Variants in TTI1 observed in about 807,000 individuals in gnomAD.
TTI1 encodes TELO2-interacting protein 1 homolog.
Under a neutral mutation model 85.4 loss-of-function variants are expected in TTI1, and 52 were observed. The observed-to-expected ratio is 0.61, with a 90% CI of 0.49 to 0.77. The LOEUF (loss-of-function observed/expected upper bound fraction) is 0.77. Ranked by LOEUF, TTI1 falls within the 30% of genes least tolerant of loss-of-function variation. The pLI is 0.00. For synonymous variants in TTI1, 512 were observed against 503.9 expected, an observed-to-expected ratio of 1.02 and a Z score of -0.22; for missense variants, 1,173 against 1,296.0, an observed-to-expected ratio of 0.91 and a Z score of 1.46.
chr20:38,006,777 T>C lies in TTI1; in HGVS notation c.2303-380A>G, dbSNP rs534407093. ...CTTATATAGCACTCTGCTCTTTCTCTTCATATCAGCTCATCACAATATGTG... is the reference window on the plus strand; with the variant it reads ...CTTATATAGCACTCTGCTCTTTCTCCTCATATCAGCTCATCACAATATGTG... On this transcript the variant is annotated intron_variant, in intron 2 of 7. Transcript: ENST00000373447. Among the ~76,000 whole-genome samples the C allele has an allele frequency of 2.6e-5, 4 of 152,366 alleles. No homozygotes were observed. In the South Asian group the frequency reaches 8.3e-4, roughly 32 times the overall value.
intron 1 of TTI1, among the ~76,000 whole-genome samples, chr20:38,016,485 G>A (rs368528900): frequency 1.3e-5 from 2 of 152,140 alleles, no homozygotes; most frequent in Middle Eastern, 3.2e-3. Context: ...AACAAAAACC[G>A]TAATAGAGCT....
chr20:37,983,920 T>C (rs1011372090), intron 7 of TTI1, among the ~76,000 whole-genome samples: 2 of 152,182 alleles, frequency 1.3e-5, no homozygotes, highest in Non-Finnish European at 1.5e-5. Context: ...AACAAGCTCT[T>C]GGCAAAGAAA....
intron 3 of TTI1, 153 bp downstream of exon 3, chr20:38,006,044 A>G (rs909614453): frequency 1.8e-5 from 16 of 888,226 alleles, no homozygotes; most frequent in Non-Finnish European, 2.4e-5. Flanking sequence ...AGAATGGAAA[A>G]AGATTACACA....
intron 2 of TTI1, among the ~76,000 whole-genome samples, chr20:38,007,811 G>A (rs1174707687): frequency 6.6e-6 from 1 of 152,222 alleles, no homozygotes; most frequent in Non-Finnish European, 1.5e-5. Flanking sequence ...GGTGTGAGCC[G>A]GAGGTTCCTA....
intron 4 of TTI1, among the ~76,000 whole-genome samples, chr20:37,999,543 G>GA (rs1169549887): frequency 6.6e-6 from 1 of 152,212 alleles, no homozygotes; most frequent in Non-Finnish European, 1.5e-5. Flanking sequence ...GTCAGCTGGG[G>GA]AAAGACCTTA....
At chr20:38,022,063 GCAAGGCCTGTCA>G (rs2073778371) in intron 1 of TTI1, among the ~76,000 whole-genome samples, 1 of 152,232 alleles carries the variant, frequency 6.6e-6, no homozygotes, top group African/African-American at 2.4e-5. Flanking sequence ...TGCTCAAGGT[GCAAGGCCTGTCA>G]CAAGCAAAGG....
chr20:37,987,535 G>A (rs1158386822), intron 7 of TTI1: 4 of 367,228 alleles, frequency 1.1e-5, no homozygotes, highest in South Asian at 2.1e-5. Context: ...AGTGGCTCCA[G>A]AGAGCACAGT....
intron 7 of TTI1, 104 bp downstream of exon 7, chr20:37,996,271 G>T: frequency 8.5e-7 from 1 of 1,177,130 alleles, no homozygotes; most frequent in Non-Finnish European, 1.2e-6. Flanking sequence ...ACCTGGCAGG[G>T]TGACAGAGAA....
Position 37,992,734 on chromosome 20 carries a change from A to G in TTI1, c.3086+3641T>C, listed in dbSNP as rs562876683. Among the ~76,000 whole-genome samples, 4 of 152,286 alleles carry G rather than the reference A, an allele frequency of 2.6e-5. No homozygotes were observed. In the South Asian group the frequency reaches 8.3e-4, roughly 32 times the overall value. ...GGCCCAAGGAGTATGGTTTTAATGG[A>G]GTTCAACTAGGCTAAGTACATGTAT... is the stretch of plus-strand genomic sequence containing the variant. On this transcript the variant is annotated intron_variant, in intron 7 of 7. Transcript: ENST00000373447.
At chr20:38,002,918 G>A in intron 3 of TTI1, 142 bp from the exon 4 acceptor site, 2 of 1,159,988 alleles carry the variant, frequency 1.7e-6, no homozygotes, top group South Asian at 2.9e-5. Context: ...ACTCAAGGGG[G>A]AATAGGTACA....
At position 38,003,227 on chromosome 20, in the gene TTI1, T is replaced by C. The variant is rs185332019; in HGVS notation, c.2504-451A>G. Among the ~76,000 whole-genome samples, 3 of 152,298 alleles carry C rather than the reference T, an allele frequency of 2.0e-5. No homozygotes were observed. In the East Asian group the frequency reaches 5.8e-4, roughly 29 times the overall value. On this transcript the variant is annotated intron_variant, in intron 3 of 7. Transcript: ENST00000373447. ...ATCCCCCTGCCGTGGCCTCTCATAG[T>C]GCTGGGATTACAGGTATGAGCCACT...
chr20:38,006,550 T>A (rs925620079), intron 2 of TTI1, among the ~76,000 whole-genome samples, 153 bp from the exon 3 acceptor site: 2 of 152,210 alleles, frequency 1.3e-5, no homozygotes, highest in African/African-American at 4.8e-5. Flanking sequence ...CATTAACTCA[T>A]CCTTTTCCAG....
rs140168073 is a variant in TTI1, at chr20:37,996,401, G to A, written c.3060C>T (p.Pro1020=). 6.1e-5 allele frequency: 99 copies of A among 1,614,040 alleles called. No individual in the cohort carries two copies. The highest frequency in any genetic ancestry group is 5.7e-4 in the African/African-American group (43 of 75,022). ...TCCTGGCAGCCTCTTGTAATTTCAC[G>A]GGCTGTTTGACACTGAGGTAAATCA... ...ACLIYLSVKQ[P]VKLQEAARSV... The change falls in exon 7 of 8, where the codon CCC becomes CCT. Residue 1020 remains proline (P), a synonymous_variant. Transcript: ENST00000373447.
chr20:37,993,073 A>G (rs2073287647), intron 7 of TTI1, among the ~76,000 whole-genome samples: 1 of 148,820 alleles, frequency 6.7e-6, no homozygotes, highest in Admixed American at 6.7e-5. Flanking sequence ...TTTGTTATCC[A>G]TTGAAGTTAC....
Position 38,012,540 on chromosome 20 carries a change from TG to T in TTI1, c.1276del (p.Gln426SerfsTer11). The T allele has an allele frequency of 6.2e-7, 1 of 1,614,176 alleles. No homozygotes were observed. Among genetic ancestry groups the T allele is most frequent in the Non-Finnish European group, 8.5e-7 (1 of 1,180,036 alleles). On this transcript the variant is annotated frameshift_variant, in exon 2 of 8. Transcript: ENST00000373447. LOFTEE classifies it high-confidence loss of function. ...TTGGATGAGTGCTTTGGAAAGCCGC[TG>T]GAGATGGGCCACAGAGTTGAGGACA... is the stretch of plus-strand genomic sequence containing the variant. ...NFVLNSVAHL[Q>X]RLSKALIQVL...
At chr20:37,985,852 G>T (rs551349563) in intron 7 of TTI1, among the ~76,000 whole-genome samples, 4 of 152,166 alleles carry the variant, frequency 2.6e-5, no homozygotes, top group African/African-American at 9.6e-5. Context: ...GGCCTGTTCT[G>T]TGCCCAAACA....
chr20:38,013,981 G>A, intron 1 of TTI1, 124 bp from the exon 2 acceptor site: 1 of 949,406 alleles, frequency 1.1e-6, no homozygotes, highest in Non-Finnish European at 1.5e-6. Flanking sequence ...CAAGGCACTA[G>A]GGGTGCAATG....
chr20:38,007,093 C>T (rs2073512941), intron 2 of TTI1, among the ~76,000 whole-genome samples: 1 of 152,142 alleles, frequency 6.6e-6, no homozygotes, highest in Non-Finnish European at 1.5e-5. Flanking sequence ...GAGGCATGTC[C>T]AAAATGACCT....
At position 38,013,279 on chromosome 20, in the gene TTI1, C is replaced by A. The variant is rs1276091414; in HGVS notation, c.538G>T (p.Val180Phe). Residue 180 changes from valine (V) to phenylalanine (F), a missense_variant, in exon 2 of 8, where the codon GTT becomes TTT. Physicochemically the swap from Val to Phe is conservative, Grantham distance 50. Coordinates refer to ENST00000373447, the MANE Select transcript of TTI1 (RefSeq NM_001303457.2). ...IKIAALKCLQ[V>F]LLLQCDCQDH... ...TGACAATCACACTGCAAGAGTAGAA[C>A]CTGTAAACATTTTAAGGCAGCAATT... is the stretch of plus-strand genomic sequence containing the variant. 3 of 1,614,046 alleles carry A rather than the reference C, an allele frequency of 1.9e-6. No homozygotes were observed. Among genetic ancestry groups the A allele is most frequent in the Non-Finnish European group, 2.5e-6 (3 of 1,180,038 alleles).
Sources: gnomAD v4.1 joint callset for allele counts (sites outside exome capture counted in the v4.1 genomes callset) on GRCh38, gnomAD v4.1.1 for gene constraint, MANE v1.5 for transcripts, NCBI Gene and HGNC (gene_info 2026-07-23, HGNC 2026-07-21) for gene names.